The following AFF4 variants were observed in gnomAD, a reference collection of about 807,000 sequenced individuals.
The protein encoded by AFF4 is ALF transcription elongation factor 4, also known as AF4/FMR2 family member 4.
AFF4 carries 13 observed loss-of-function variants against 124.8 expected under a neutral mutation model. The observed-to-expected ratio is 0.10, with a 90% CI of 0.07 to 0.17. The LOEUF is 0.17. AFF4 is among the 10% of genes least tolerant of loss of function. The pLI is 1.00. For missense variants in AFF4, 1,092 were observed against 1,403.8 expected (o/e 0.78, Z 3.55); for synonymous variants, 477 against 496.1 (o/e 0.96, Z 0.51).
intron 1 of AFF4, among the ~76,000 whole-genome samples, chr5:132,951,179 G>A (rs1373791896): frequency 1.3e-5 from 2 of 151,016 alleles, no homozygotes; most frequent in African/African-American, 4.9e-5. Flanking sequence ...AGCAGAGATC[G>A]CCACACTGCA....
intron 2 of AFF4, among the ~76,000 whole-genome samples, chr5:132,936,460 G>A (rs896653144): frequency 7.2e-5 from 11 of 152,140 alleles, no homozygotes; most frequent in African/African-American, 2.7e-4. Context: ...AAATCAGACT[G>A]ATACTGAAGA....
chr5:132,946,077 T>C (rs1376998883), intron 1 of AFF4, among the ~76,000 whole-genome samples: 4 of 147,856 alleles, frequency 2.7e-5, no homozygotes, highest in Non-Finnish European at 4.5e-5. Flanking sequence ...AATAAATTAA[T>C]AAACAAGTAA....
rs1339499249 is a variant in AFF4, at chr5:132,913,712, GATT to G, written c.1051-9311_1051-9309del. Among the ~76,000 whole-genome samples, 8 of 152,294 alleles carry G rather than the reference GATT, an allele frequency of 5.3e-5. No homozygotes were observed. In the East Asian group the frequency reaches 1.5e-3, roughly 29 times the overall value. ...CCACCTCAGCCTTCTAAAGTGTTGGGATTACAAGCGTGTGCCACCACACTGGCT... is the reference window on the plus strand; with the variant it reads ...CCACCTCAGCCTTCTAAAGTGTTGGGACAAGCGTGTGCCACCACACTGGCT... On this transcript the variant is annotated intron_variant, in intron 5 of 20. Coordinates refer to ENST00000265343, the MANE Select transcript of AFF4 (RefSeq NM_014423.4).
chr5:132,923,037 G>A (rs748561683), intron 5 of AFF4, among the ~76,000 whole-genome samples: 8 of 152,026 alleles, frequency 5.3e-5, no homozygotes, highest in Non-Finnish European at 7.4e-5. Flanking sequence ...GTAGCCGGGC[G>A]TGGTGGTGCG....
At chr5:132,946,634 T>G (rs1761702787) in intron 1 of AFF4, among the ~76,000 whole-genome samples, 1 of 152,102 alleles carries the variant, frequency 6.6e-6, no homozygotes. Context: ...ATAGGCAAAT[T>G]CATAGAGACC....
At chr5:132,941,288 T>C (rs1371785426) in intron 1 of AFF4, among the ~76,000 whole-genome samples, 1 of 152,168 alleles carries the variant, frequency 6.6e-6, no homozygotes, top group Non-Finnish European at 1.5e-5. Flanking sequence ...AAAACTATTT[T>C]ATAGCTATGA....
At chr5:132,912,259 T>C (rs901120431) in intron 5 of AFF4, among the ~76,000 whole-genome samples, 2 of 151,752 alleles carry the variant, frequency 1.3e-5, no homozygotes, top group Admixed American at 6.6e-5. Flanking sequence ...GCAGAATTGC[T>C]TGAACCAGGG....
chr5:132,901,093 G>A, intron 7 of AFF4: 1 of 985,420 alleles, frequency 1.0e-6, no homozygotes, highest in Non-Finnish European at 1.2e-6. Context: ...TTTTCTTTCA[G>A]ACAGGGGCTT....
chr5:132,911,232 G>T (rs976114081), intron 5 of AFF4, among the ~76,000 whole-genome samples: 12 of 151,982 alleles, frequency 7.9e-5, no homozygotes, highest in African/African-American at 2.7e-4. Context: ...CACATTCTCT[G>T]TTTGCTTCAA....
chr5:132,945,292 C>T (rs1247894061), intron 1 of AFF4: 2 of 152,066 alleles, frequency 1.3e-5, no homozygotes, highest in Admixed American at 6.6e-5. Context: ...GCGACTTAAC[C>T]AAGAATCTGT....
chr5:132,890,541 A>C (rs1393520069), intron 13 of AFF4, among the ~76,000 whole-genome samples: 2 of 152,244 alleles, frequency 1.3e-5, no homozygotes, highest in Non-Finnish European at 2.9e-5. Context: ...TTCTTATATA[A>C]AAACTATGTG....
intron 1 of AFF4, among the ~76,000 whole-genome samples, chr5:132,962,733 C>A (rs1274434109): frequency 6.6e-6 from 1 of 151,384 alleles, no homozygotes; most frequent in Non-Finnish European, 1.5e-5. Flanking sequence ...GGAGGGTATT[C>A]GAGTATTATA....
chr5:132,929,902 T>A (rs1452812197), intron 4 of AFF4, among the ~76,000 whole-genome samples: 1 of 152,200 alleles, frequency 6.6e-6, no homozygotes, highest in Non-Finnish European at 1.5e-5. Context: ...ATGAGGCCTC[T>A]GTTATAATTA....
At chr5:132,953,673 A>C (rs1581337858) in intron 1 of AFF4, among the ~76,000 whole-genome samples, 2 of 152,304 alleles carry the variant, frequency 1.3e-5, no homozygotes, top group East Asian at 1.9e-4. Flanking sequence ...CAGCCAGCCA[A>C]CTGCTTTTGC....
intron 4 of AFF4, 164 bp from the exon 5 acceptor site, chr5:132,927,371 G>A (rs2150093354): frequency 1.8e-6 from 1 of 562,164 alleles, no homozygotes; most frequent in East Asian, 3.3e-5. Context: ...TAGGCACTAT[G>A]GTGTAGGTAA....
At chr5:132,942,278 T>C (rs1185722556) in intron 1 of AFF4, among the ~76,000 whole-genome samples, 1 of 152,144 alleles carries the variant, frequency 6.6e-6, no homozygotes, top group African/African-American at 2.4e-5. Context: ...ACCTGGTTAC[T>C]AGGCTCTTAC....
intron 9 of AFF4, 110 bp from the exon 10 acceptor site, chr5:132,898,502 TAGACGGAG>T: frequency 1.0e-6 from 1 of 966,540 alleles, no homozygotes; most frequent in East Asian, 2.7e-5. Context: ...TTTTTTTTTT[TAGACGGAG>T]TCTTGCTCTG....
chr5:132,884,632 C>CT (rs1307539857), intron 19 of AFF4, among the ~76,000 whole-genome samples: 4 of 152,162 alleles, frequency 2.6e-5, no homozygotes, highest in Admixed American at 6.5e-5. Flanking sequence ...AACATAATAA[C>CT]TGAACAGATA....
At chr5:132,925,156 C>A (rs919525428) in intron 5 of AFF4, among the ~76,000 whole-genome samples, 2 of 151,666 alleles carry the variant, frequency 1.3e-5, no homozygotes, top group Non-Finnish European at 2.9e-5. Flanking sequence ...GCCTGGGTGA[C>A]AAAGGGAGAC....
Sources: allele counts gnomAD v4.1 joint callset (sites outside exome capture counted in the v4.1 genomes callset), GRCh38; gene constraint gnomAD v4.1.1; transcripts MANE v1.5; gene names NCBI Gene and HGNC (gene_info 2026-07-23, HGNC 2026-07-21).